Variants in ZNF436 observed in about 807,000 individuals in gnomAD.
ZNF436 encodes zinc finger protein 436.
ZNF436 carries 22 observed loss-of-function variants against 41.9 expected under a neutral mutation model. The ratio of observed to expected loss-of-function variants is 0.53; its 90% CI spans 0.38 to 0.75. The LOEUF (loss-of-function observed/expected upper bound fraction) is 0.75, where lower values mean the gene tolerates loss of function less well. ZNF436 is among the 30% of genes least tolerant of loss of function. ZNF436 has a pLI of 0.00. For missense variants in ZNF436, 506 were observed against 587.3 expected, an observed-to-expected ratio of 0.86 and a Z score of 1.43; for synonymous variants, 217 against 197.8, an observed-to-expected ratio of 1.10 and a Z score of -0.82.
At chr1:23,366,595 G>C (rs541588983) in intron 3 of ZNF436, among the ~76,000 whole-genome samples, 1 of 152,206 alleles carries the variant, frequency 6.6e-6, no homozygotes, top group Non-Finnish European at 1.5e-5. Flanking sequence ...AATCTACTCA[G>C]CTAAGGAACT....
Position 23,362,066 on chromosome 1 carries a change from A to C in ZNF436, c.1316T>G (p.Val439Gly). 1 of 1,613,444 alleles carries C rather than the reference A, an allele frequency of 6.2e-7. No individual in the cohort carries two copies. The highest frequency in any genetic ancestry group is 8.5e-7 in the Non-Finnish European group (1 of 1,179,818). Residue 439 changes from valine to glycine, a missense_variant, in exon 4 of 4, where the codon GTT becomes GGT. Coordinates refer to ENST00000314011, the MANE Select transcript of ZNF436 (RefSeq NM_001077195.2). Reference protein sequence around the residue: ...QSSNLITHQRVHTGEKPYECT... With the variant: ...QSSNLITHQRGHTGEKPYECT... ...TTCATAAGGTTTCTCTCCCGTGTGA[A>C]CTCTTTGATGTGTGATGAGGTTGGA...
In ZNF436 at chr1:23,360,267, C is replaced by T. The variant is rs1349715738; in HGVS notation, c.*1702G>A. On this transcript the variant is annotated 3_prime_UTR_variant, in exon 4 of 4. Transcript: ENST00000314011. The stretch of plus-strand genomic sequence containing the variant: ...TCACAATAACTCATTATAGTACCCA[C>T]CCAGAGAGACCACTGGCTCCTTTAA... The T allele has an allele frequency of 6.6e-6, 1 of 152,214 alleles. No individual in the cohort carries two copies. Among genetic ancestry groups the T allele is most frequent in the Non-Finnish European group, 1.5e-5 (1 of 68,046 alleles). The allele number at this position is 152,214 out of a possible 1,614,324, so 9.4% of individuals were successfully genotyped here.
At chr1:23,363,555 T>C (rs185055401) in intron 3 of ZNF436, among the ~76,000 whole-genome samples, 18 of 152,306 alleles carry the variant, frequency 1.2e-4, no homozygotes, top group Admixed American at 5.2e-4. Flanking sequence ...ATATTCTTCG[T>C]CACATATATT....
rs1399591996 is a variant in ZNF436, at chr1:23,361,622, T to C, written c.*347A>G. On this transcript the variant is annotated 3_prime_UTR_variant, in exon 4 of 4. Coordinates refer to ENST00000314011, the MANE Select transcript of ZNF436 (RefSeq NM_001077195.2). ...TTACAGTCCCACGTTTCACTTAGCA[T>C]AGTTCCTTGGGCCAAGGATGGGAGA... 1 of 213,524 alleles carries C rather than the reference T, an allele frequency of 4.7e-6. No homozygotes were observed. The highest frequency in any genetic ancestry group is 1.2e-4 in the East Asian group (1 of 8,382). The allele number at this position is 213,524 out of a possible 1,614,324, so 13.2% of individuals were successfully genotyped here. A position where few individuals can be genotyped will look rare whatever the true frequency, so the allele number is the denominator to read the frequency against.
In ZNF436 at chr1:23,369,415, G is replaced by C. The variant is rs1414321222; in HGVS notation, c.-110C>G. 5.6e-6 allele frequency: 3 copies of C among 534,712 alleles called. No homozygotes were observed. Among genetic ancestry groups the C allele is most frequent in the South Asian group, 4.2e-5 (3 of 71,594 alleles). 33.1% of individuals were successfully genotyped at this position (534,712 alleles called of 1,614,324 possible). ...AGATCGTCGTCTCCAAAACCTGAGAGACCGCGAACGGGTTCCAGAGCCGCA... is the reference window on the plus strand; with the variant it reads ...AGATCGTCGTCTCCAAAACCTGAGACACCGCGAACGGGTTCCAGAGCCGCA... On this transcript the variant is annotated 5_prime_UTR_variant, in exon 1 of 4. Transcript: ENST00000314011.
At chr1:23,366,990 T>C (rs975286104) in intron 3 of ZNF436, 52 bp downstream of exon 3, 16 of 1,582,942 alleles carry the variant, frequency 1.0e-5, no homozygotes, top group East Asian at 4.5e-5. Context: ...CTAAGTCATT[T>C]TGACACGATC....
Position 23,362,583 on chromosome 1 carries a change from G to A in ZNF436, c.799C>T (p.Gln267Ter), listed in dbSNP as rs749756893. 3 of 1,609,792 alleles carry A rather than the reference G, an allele frequency of 1.9e-6. No individual in the cohort carries two copies. Among genetic ancestry groups the A allele is most frequent in the Non-Finnish European group, 2.5e-6 (3 of 1,178,654 alleles). Residue 267 changes from glutamine to a stop codon, truncating the protein, a stop_gained, in exon 4 of 4, where the codon CAG becomes TAG. Transcript: ENST00000314011. LOFTEE classifies it high-confidence loss of function. The part of the protein sequence containing the change: ...KSFSRSSHLA[Q>*]HQRTHTGEKP... ...TCACCCGTGTGGGTCCTCTGGTGCT[G>A]AGCTAGGTGAGAGCTCCGGCTGAAG... is the stretch of plus-strand genomic sequence containing the variant.
At chr1:23,369,173 C>T in intron 1 of ZNF436, 193 bp downstream of exon 1, 1 of 387,948 alleles carries the variant, frequency 2.6e-6, no homozygotes, top group Non-Finnish European at 5.3e-6. Context: ...ATAGCCAGGC[C>T]CCTGCGGGGG....
rs1638441202 is a variant in ZNF436 at position 23,369,225 on chromosome 1, A to G, written c.-61+141T>C. On this transcript the variant is annotated intron_variant, in intron 1 of 3. Coordinates refer to ENST00000314011, the MANE Select transcript of ZNF436 (RefSeq NM_001077195.2). ...GCGTCCCAGAGGGCTTGTCTGCTAC[A>G]GGGGCTCCCAGCGGCCTCCCGCACC... 6.9e-6 allele frequency: 3 copies of G among 432,224 alleles called. No homozygotes were observed. In the Admixed American group the frequency reaches 8.1e-5, roughly 12 times the overall value. 26.8% of individuals were successfully genotyped at this position (432,224 alleles called of 1,614,324 possible). A position where few individuals can be genotyped will look rare whatever the true frequency, so the allele number is the denominator to read the frequency against.
At chr1:23,368,287 C>G (rs1046637433) in intron 1 of ZNF436, 3 of 441,686 alleles carry the variant, frequency 6.8e-6, no homozygotes, top group African/African-American at 2.0e-5. Flanking sequence ...GGGTCCCTCC[C>G]GCGCCGGGGG....
chr1:23,365,417 A>G (rs1638336688), intron 3 of ZNF436, among the ~76,000 whole-genome samples: 2 of 150,818 alleles, frequency 1.3e-5, no homozygotes, highest in South Asian at 2.1e-4. Flanking sequence ...AATAAATAAT[A>G]AAAAAATAAA....
intron 3 of ZNF436, among the ~76,000 whole-genome samples, chr1:23,363,556 C>T (rs1285699957): frequency 1.3e-5 from 2 of 152,102 alleles, no homozygotes; most frequent in Non-Finnish European, 2.9e-5. Flanking sequence ...TATTCTTCGT[C>T]ACATATATTC....
chr1:23,363,348 G>T (rs1198635947), intron 3 of ZNF436, 127 bp from the exon 4 acceptor site: 3 of 742,028 alleles, frequency 4.0e-6, no homozygotes, highest in Non-Finnish European at 6.4e-6. Flanking sequence ...GAGTGCAGTG[G>T]TGTGATCTTG....
rs757680978 is a variant in ZNF436, at chr1:23,369,520, C to T, written c.-215G>A. Reference sequence around the variant, plus strand: ...GGAGGTCTCAGACCCGCAGGTAGATCTCGAATTCGTAGACTTGCAGGCGAA... The same window carrying T: ...GGAGGTCTCAGACCCGCAGGTAGATTTCGAATTCGTAGACTTGCAGGCGAA... On this transcript the variant is annotated 5_prime_UTR_variant, in exon 1 of 4. Transcript: ENST00000314011. The T allele has an allele frequency of 3.8e-6, 2 of 532,162 alleles. No homozygotes were observed. Among genetic ancestry groups the T allele is most frequent in the Admixed American group, 3.9e-5 (2 of 51,558 alleles). The allele number at this position is 532,162 out of a possible 1,614,324, so 33.0% of individuals were successfully genotyped here.
rs771888986 is a variant in ZNF436, at chr1:23,363,061, T to C, written c.321A>G (p.Gly107=). ...ESGDRSERQW[G]DLTAEEWVSY... is the part of the protein sequence containing the mutation. ...TTACCCACTCTTCTGCTGTTAAATC[T>C]CCCCATTGTCTTTCTGACCTATCTC... Residue 107 remains glycine, a synonymous_variant, in exon 4 of 4, where the codon GGA becomes GGG. Transcript: ENST00000314011. The C allele has an allele frequency of 1.9e-6, 3 of 1,614,180 alleles. No individual in the cohort carries two copies. In the Admixed American group the frequency reaches 5.0e-5, roughly 27 times the overall value.
intron 1 of ZNF436, 185 bp downstream of exon 1, chr1:23,369,181 G>A (rs557106329): frequency 2.0e-5 from 8 of 394,024 alleles, no homozygotes; most frequent in South Asian, 1.2e-4. Context: ...GCCCCTGCGG[G>A]GGGGGCGGGC....
rs1646980628 is a variant in ZNF436, at chr1:23,359,642, T to G, written c.*2327A>C. The G allele has an allele frequency of 6.6e-6, 1 of 152,600 alleles. No homozygotes were observed. Among genetic ancestry groups the G allele is most frequent in the Admixed American group, 6.6e-5 (1 of 15,264 alleles). 9.5% of individuals were successfully genotyped at this position (152,600 alleles called of 1,614,324 possible). On this transcript the variant is annotated 3_prime_UTR_variant, in exon 4 of 4. Transcript: ENST00000314011. ...GCCAGGGACTTGGGAGCAGAAGGCA[T>G]GCAAAAAGCATTAGTGAAGGGAGTC... is the stretch of plus-strand genomic sequence containing the variant.
chr1:23,362,465 T>C lies in ZNF436; in HGVS notation c.917A>G (p.Tyr306Cys). The C allele has an allele frequency of 6.2e-7, 1 of 1,614,070 alleles. No individual in the cohort carries two copies. Among genetic ancestry groups the C allele is most frequent in the South Asian group, 1.1e-5 (1 of 91,088 alleles). The part of the protein sequence containing the change: ...HYRVHTGERP[Y>C]KCDECGKNFS... ...ATTCTTCCCACACTCATCACACTTG[T>C]AGGGCCTCTCCCCTGTGTGGACTCG... The change falls in exon 4 of 4, where the codon TAC becomes TGC. Residue 306 changes from tyrosine to cysteine, a missense_variant. Physicochemically the swap from Tyr to Cys is radical, Grantham distance 194. Transcript: ENST00000314011.
Position 23,362,059 on chromosome 1 carries a change from C to G in ZNF436, c.1323G>C (p.Thr441=), listed in dbSNP as rs574368797. Residue 441 remains threonine, a synonymous_variant, in exon 4 of 4, where the codon ACG becomes ACC. Coordinates refer to ENST00000314011, the MANE Select transcript of ZNF436 (RefSeq NM_001077195.2). The part of the protein sequence containing the change: ...SNLITHQRVH[T]GEKPYECTEC... ...CGGTACATTCATAAGGTTTCTCTCC[C>G]GTGTGAACTCTTTGATGTGTGATGA... 2.3e-5 allele frequency: 37 copies of G among 1,614,062 alleles called. No individual in the cohort carries two copies. Among genetic ancestry groups the G allele is most frequent in the Non-Finnish European group, 3.1e-5 (36 of 1,180,040 alleles).
Sources: allele counts gnomAD v4.1 joint callset (sites outside exome capture counted in the v4.1 genomes callset), GRCh38; gene constraint gnomAD v4.1.1; transcripts MANE v1.5; gene names NCBI Gene and HGNC (gene_info 2026-07-23, HGNC 2026-07-21).